The following SRGAP2 variants were observed in gnomAD, a reference collection of about 807,000 sequenced individuals.
SRGAP2 encodes SLIT-ROBO Rho GTPase activating protein 2.
In SRGAP2, 15 loss-of-function variants were observed where a neutral mutation model predicts 57.2. The ratio of observed to expected loss-of-function variants is 0.26; its 90% CI spans 0.18 to 0.40. The LOEUF is 0.40. Ranked by LOEUF, SRGAP2 falls within the 10% of genes least tolerant of loss-of-function variation. SRGAP2 has a pLI of 1.00. For missense variants in SRGAP2, 520 were observed against 669.6 expected (o/e 0.78, Z 2.47); for synonymous variants, 249 against 248.0 (o/e 1.00, Z -0.04).
intron 5 of SRGAP2, among the ~76,000 whole-genome samples, chr1:206,391,199 T>C (rs201675056): frequency 6.9e-6 from 1 of 143,952 alleles, no homozygotes; most frequent in African/African-American, 2.7e-5. Context: ...GGGGCCAAAA[T>C]AGCCCCAGGT....
intron 22 of SRGAP2, among the ~76,000 whole-genome samples, chr1:206,459,793 G>C (rs782362796): frequency 6.6e-6 from 1 of 152,186 alleles, no homozygotes; most frequent in Admixed American, 6.5e-5. Context: ...GCTTAATTGT[G>C]GTTCTCTGCT....
chr1:206,326,941 T>C (rs1673940103), intron 3 of SRGAP2, among the ~76,000 whole-genome samples: 1 of 152,034 alleles, frequency 6.6e-6, no homozygotes, highest in Non-Finnish European at 1.5e-5. Flanking sequence ...GGCGGGAGGA[T>C]TGCTTGAGCC....
intron 13 of SRGAP2, among the ~76,000 whole-genome samples, chr1:206,428,383 C>T (rs1660990156): frequency 6.8e-6 from 1 of 147,176 alleles, no homozygotes; most frequent in African/African-American, 2.5e-5. Flanking sequence ...CACCACTGCA[C>T]TCTGTCTGGC....
At chr1:206,359,001 A>C (rs535854784) in intron 4 of SRGAP2, among the ~76,000 whole-genome samples, 2 of 152,332 alleles carry the variant, frequency 1.3e-5, no homozygotes, top group East Asian at 3.9e-4. Flanking sequence ...CAGATTCATG[A>C]AAAGTGAGTC....
chr1:206,269,175 T>A (rs1323425360), intron 2 of SRGAP2, among the ~76,000 whole-genome samples: 205 of 138,278 alleles, frequency 1.5e-3, no homozygotes, highest in African/African-American at 2.8e-3. Flanking sequence ...ACAAAACAAC[T>A]TGGATGAATC....
rs540111750 is a variant in SRGAP2, at chr1:206,418,779, A to G, written c.1442-594A>G. ...TATCTCCCATCTCCCTTGCCACCTCAGTCAAACCTAACAGGAGAATTTACT... is the reference window on the plus strand; with the variant it reads ...TATCTCCCATCTCCCTTGCCACCTCGGTCAAACCTAACAGGAGAATTTACT... On this transcript the variant is annotated intron_variant, in intron 11 of 22. Transcript: ENST00000573034. Among the ~76,000 whole-genome samples the G allele has an allele frequency of 7.2e-5, 11 of 152,260 alleles. 1 individual carries two copies. Among genetic ancestry groups the G allele is most frequent in the African/African-American group, 2.6e-4 (11 of 41,544 alleles).
At position 206,453,306 on chromosome 1, in the gene SRGAP2, C is replaced by T. The variant is rs1039382246; in HGVS notation, c.2286C>T (p.Ser762=). The change falls in exon 20 of 23, where the codon TCC becomes TCT. Residue 762 remains serine, a synonymous_variant. Transcript: ENST00000573034. ...CCCTGCTGCTTTACCAGCGGGCTTC[C>T]GACGACTGGTGGGAAGGCCGGCACA... ...GASLLLYQRA[S]DDWWEGRHNG... 1.2e-5 allele frequency: 9 copies of T among 760,594 alleles called. No individual in the cohort carries two copies. The highest frequency in any genetic ancestry group is 2.3e-4 in the Middle Eastern group (1 of 4,380). The allele number at this position is 760,594 out of a possible 1,614,324, so 47.1% of individuals were successfully genotyped here.
In SRGAP2 at chr1:206,461,685, T is replaced by C. The variant is rs1166126184; in HGVS notation, c.*265T>C. The stretch of plus-strand genomic sequence containing the variant: ...TCTTAGGTTAGCCAGAGACAGGTTT[T>C]CATTATCAGGTCACTGTGAAATCTG... On this transcript the variant is annotated 3_prime_UTR_variant, in exon 23 of 23. Transcript: ENST00000573034. 2.3e-5 allele frequency: 9 copies of C among 397,518 alleles called. No homozygotes were observed. The highest frequency in any genetic ancestry group is 4.1e-5 in the Non-Finnish European group (9 of 221,504). The allele number at this position is 397,518 out of a possible 1,614,324, so 24.6% of individuals were successfully genotyped here.
At chr1:206,389,161 C>A in intron 5 of SRGAP2, among the ~76,000 whole-genome samples, 2 of 131,754 alleles carry the variant, frequency 1.5e-5, no homozygotes, top group East Asian at 2.1e-4. Flanking sequence ...TGTTCTCAGA[C>A]TTCCTTTTTT....
chr1:206,220,581 A>G (rs1420070100), intron 2 of SRGAP2, among the ~76,000 whole-genome samples: 1 of 152,258 alleles, frequency 6.6e-6, no homozygotes, highest in East Asian at 1.9e-4. Context: ...AATCCTTTCC[A>G]GAATAGTATA....
chr1:206,413,418 G>A (rs1353610798), intron 10 of SRGAP2, among the ~76,000 whole-genome samples: 1 of 152,198 alleles, frequency 6.6e-6, no homozygotes, highest in Non-Finnish European at 1.5e-5. Flanking sequence ...CAGGTGAGCT[G>A]GCATCTGGAG....
Position 206,303,307 on chromosome 1 carries a change from A to G in SRGAP2, c.94A>G (p.Met32Val). The G allele has an allele frequency of 2.1e-6, 3 of 1,440,970 alleles. No individual in the cohort carries two copies. The highest frequency in any genetic ancestry group is 2.8e-6 in the Non-Finnish European group (3 of 1,082,266). The allele number at this position is 1,440,970 out of a possible 1,614,324, so 89.3% of individuals were successfully genotyped here. Residue 32 changes from methionine (M) to valine (V), a missense_variant, in exon 3 of 23, where the codon ATG (methionine) becomes GTG (valine). Physicochemically the swap from Met to Val is conservative, Grantham distance 21. This residue lies in a region of SRGAP2 where 26 missense variants were observed against 202.3 expected (regional missense o/e 0.13). Transcript: ENST00000573034. The stretch of plus-strand genomic sequence containing the variant: ...GATCCGTGCTCAGCTCACAGAGCAG[A>G]TGAAATGCCTGGACCAGCAGTGTGA... The part of the protein sequence containing the change: ...KEIRAQLTEQ[M>V]KCLDQQCELR...
intron 15 of SRGAP2, 118 bp from the exon 16 acceptor site, chr1:206,437,846 G>A (rs1661909259): frequency 5.6e-6 from 4 of 710,594 alleles, no homozygotes; most frequent in Non-Finnish European, 7.8e-6. Context: ...ACCATGCCGG[G>A]CAGAAAGCTG....
intron 2 of SRGAP2, among the ~76,000 whole-genome samples, chr1:206,244,197 A>G (rs1351560991): frequency 1.1e-5 from 1 of 89,290 alleles, no homozygotes; most frequent in Non-Finnish European, 2.1e-5. Context: ...TTGACTTAGT[A>G]TAGTATTATA....
chr1:206,255,889 C>G (rs1483663685), intron 2 of SRGAP2, among the ~76,000 whole-genome samples: 2 of 150,840 alleles, frequency 1.3e-5, no homozygotes, highest in Admixed American at 6.6e-5. Context: ...GAGCTGGGCT[C>G]AAGCGAATTA....
In SRGAP2 at chr1:206,372,964, C is replaced by CCTTCCTTCCTTTCTTT. The variant is rs1654760418; in HGVS notation, c.424-11047_424-11046insCCTTCCTTTCTTTCTT. On this transcript the variant is annotated intron_variant, in intron 4 of 22. Transcript: ENST00000573034. ...CTTTCTTTCTTTCTTTCTTTTCTTTCCTTTCTTTCTTTCTTTCTTTCTTTC... is the reference window on the plus strand; with the variant it reads ...CTTTCTTTCTTTCTTTCTTTTCTTTCCTTCCTTCCTTTCTTTCTTTCTTTCTTTCTTTCTTTCTTTC... 8.6e-5 allele frequency among the ~76,000 whole-genome samples: 2 copies of CCTTCCTTCCTTTCTTT among 23,358 alleles called. 1 individual carries two copies. 15.3% of individuals were successfully genotyped at this position (23,358 alleles called of 152,430 possible).
intron 2 of SRGAP2, among the ~76,000 whole-genome samples, chr1:206,255,084 C>T (rs374286417): frequency 1.3e-5 from 2 of 148,994 alleles, no homozygotes; most frequent in African/African-American, 5.0e-5. Context: ...GTTAACTTTT[C>T]TCCTTTGGGC....
At chr1:206,435,549 T>A (rs1011011100) in intron 14 of SRGAP2, among the ~76,000 whole-genome samples, 2 of 152,244 alleles carry the variant, frequency 1.3e-5, no homozygotes, top group Admixed American at 6.5e-5. Flanking sequence ...TGTGTGGTGC[T>A]GTCTGTAAAG....
At chr1:206,457,526 A>C (rs1663939494) in intron 21 of SRGAP2, among the ~76,000 whole-genome samples, 1 of 152,220 alleles carries the variant, frequency 6.6e-6, no homozygotes, top group Non-Finnish European at 1.5e-5. Context: ...TCATTTCAGC[A>C]GGGCCTTAGA....
Sources: gnomAD v4.1 joint callset for allele counts (sites outside exome capture counted in the v4.1 genomes callset) on GRCh38, gnomAD v4.1.1 for gene constraint, gnomAD v4.1.1 regional missense constraint, MANE v1.5 for transcripts, NCBI Gene and HGNC (gene_info 2026-07-23, HGNC 2026-07-21) for gene names.